KIF1B: variants seen among roughly 807,000 people sequenced by gnomAD.
KIF1B encodes the protein kinesin-like protein KIF1B.
KIF1B carries 76 observed loss-of-function variants against 241.9 expected under a neutral mutation model. The ratio of observed to expected loss-of-function variants is 0.31; its 90% CI spans 0.26 to 0.38. The LOEUF (loss-of-function observed/expected upper bound fraction) is 0.38, where lower values mean the gene tolerates loss of function less well. KIF1B is among the 10% of genes least tolerant of loss of function. KIF1B has a pLI of 1.00. For synonymous variants in KIF1B, 750 were observed against 796.7 expected, an observed-to-expected ratio of 0.94 and a Z score of 0.99; for missense variants, 1,622 against 2,271.4, an observed-to-expected ratio of 0.71 and a Z score of 5.81.
intron 40 of KIF1B, among the ~76,000 whole-genome samples, chr1:10,362,503 G>GAAAAAAAAAAAAAAAAAAAAGA (rs79052867): frequency 8.4e-6 from 1 of 119,304 alleles, no homozygotes; most frequent in African/African-American, 3.1e-5. Context: ...AAAGAAAAAG[G>GAAAAAAAAAAAAAAAAAAAAGA]AAAAAAAAAA....
At position 10,261,597 on chromosome 1, in the gene KIF1B, A is replaced by T. The variant is rs1253026364; in HGVS notation, c.364-308A>T. Reference sequence around the variant, plus strand: ...ACTTTTTTGTTAAAAACTTAGGCACACATTTATTAGCCTAGGCCTACACAG... The same window carrying T: ...ACTTTTTTGTTAAAAACTTAGGCACTCATTTATTAGCCTAGGCCTACACAG... On this transcript the variant is annotated intron_variant, in intron 4 of 48. Coordinates refer to ENST00000676179, the MANE Select transcript of KIF1B (RefSeq NM_001365951.3). 3.9e-5 allele frequency among the ~76,000 whole-genome samples: 6 copies of T among 152,302 alleles called. No individual in the cohort carries two copies. The East Asian group carries it at 5.8e-4, about 15-fold the overall frequency.
rs964671366 is a variant in KIF1B at position 10,368,548 on chromosome 1, T to C, written c.4824+10T>C. ...CGTCAGTGACTGTAAGGTGAGCACA[T>C]TGACTGTAATTTTTAGCCAGTATGT... On this transcript the variant is annotated intron_variant, in intron 44 of 48. Coordinates refer to ENST00000676179, the MANE Select transcript of KIF1B (RefSeq NM_001365951.3). 3.7e-6 allele frequency: 6 copies of C among 1,609,668 alleles called. No homozygotes were observed. In the African/African-American group the frequency reaches 5.3e-5, roughly 14 times the overall value.
chr1:10,353,552 C>G (rs891381794), intron 38 of KIF1B, among the ~76,000 whole-genome samples: 1 of 152,122 alleles, frequency 6.6e-6, no homozygotes, highest in Non-Finnish European at 1.5e-5. Context: ...GAGCACACTG[C>G]CTTCCCACCA....
Position 10,381,228 on chromosome 1 carries a change from T to C in KIF1B, c.*4641T>C, listed in dbSNP as rs997748530. The C allele has an allele frequency of 1.7e-4, 38 of 223,768 alleles. 1 individual carries two copies. Among genetic ancestry groups the C allele is most frequent in the Non-Finnish European group, 4.5e-5 (5 of 111,910 alleles). 13.9% of individuals were successfully genotyped at this position (223,768 alleles called of 1,614,324 possible). Reference sequence around the variant, plus strand: ...TTAGACTTTGTGGCTCTAAAGTACCTGTCTGTTGAGATTTCAAGTCTCTTG... The same window carrying C: ...TTAGACTTTGTGGCTCTAAAGTACCCGTCTGTTGAGATTTCAAGTCTCTTG... On this transcript the variant is annotated 3_prime_UTR_variant, in exon 49 of 49. Coordinates refer to ENST00000676179, the MANE Select transcript of KIF1B (RefSeq NM_001365951.3).
Position 10,368,508 on chromosome 1 carries a change from C to T in KIF1B, c.4794C>T (p.Ser1598=). 1 of 1,613,996 alleles carries T rather than the reference C, an allele frequency of 6.2e-7. No homozygotes were observed. The highest frequency in any genetic ancestry group is 8.5e-7 in the Non-Finnish European group (1 of 1,179,876). Reference sequence around the variant, plus strand: ...CCCACACTTTCAACAGAGAATTCAGCCAGGTGCACGGCAGCGTCAGTGACT... The same window carrying T: ...CCCACACTTTCAACAGAGAATTCAGTCAGGTGCACGGCAGCGTCAGTGACT... ...LLTHTFNREF[S]QVHGSVSDCK... Residue 1598 remains serine (S), a synonymous_variant, in exon 44 of 49, where the codon AGC becomes AGT. Transcript: ENST00000676179.
chr1:10,258,832 TTGAA>T (rs1382095313), intron 4 of KIF1B, among the ~76,000 whole-genome samples, 160 bp downstream of exon 4: 1 of 152,198 alleles, frequency 6.6e-6, no homozygotes, highest in Non-Finnish European at 1.5e-5. Flanking sequence ...GAGCTCACAA[TTGAA>T]TGGGAAGGAT....
Position 10,297,255 on chromosome 1 carries a change from C to T in KIF1B, c.2115+9C>T. 1 of 1,610,600 alleles carries T rather than the reference C, an allele frequency of 6.2e-7. No homozygotes were observed. The highest frequency in any genetic ancestry group is 1.1e-5 in the South Asian group (1 of 90,974). ...TGGAGCAGCAGAGACTGGTAGGAGT[C>T]CTGAATCTGCTAAACTGTTGGGAAA... On this transcript the variant is annotated intron_variant, in intron 22 of 48. Coordinates refer to ENST00000676179, the MANE Select transcript of KIF1B (RefSeq NM_001365951.3).
intron 5 of KIF1B, among the ~76,000 whole-genome samples, chr1:10,264,522 A>G (rs1041023433): frequency 6.6e-6 from 1 of 152,224 alleles, no homozygotes; most frequent in African/African-American, 2.4e-5. Flanking sequence ...TATTCCGGGG[A>G]TTCAGTATTG....
At chr1:10,372,327 A>G (rs1448217486) in intron 45 of KIF1B, among the ~76,000 whole-genome samples, 1 of 151,926 alleles carries the variant, frequency 6.6e-6, no homozygotes, top group African/African-American at 2.4e-5. Flanking sequence ...TTCAGCCCAC[A>G]AGTTTGAGAC....
intron 2 of KIF1B, among the ~76,000 whole-genome samples, chr1:10,237,347 T>A (rs1039030554): frequency 6.6e-6 from 1 of 152,196 alleles, no homozygotes; most frequent in Non-Finnish European, 1.5e-5. Context: ...GTTATTTGTG[T>A]AAACCTGGAG....
intron 22 of KIF1B, among the ~76,000 whole-genome samples, chr1:10,316,693 G>A (rs1426637013): frequency 6.6e-6 from 1 of 151,452 alleles, no homozygotes; most frequent in Non-Finnish European, 1.5e-5. Flanking sequence ...GTAGACATGG[G>A]GTTTGGCCAT....
intron 44 of KIF1B, among the ~76,000 whole-genome samples, chr1:10,370,280 G>C (rs974453379): frequency 1.3e-5 from 2 of 151,878 alleles, no homozygotes; most frequent in African/African-American, 4.8e-5. Context: ...ATGCAGGAGA[G>C]GCCAGTGACA....
intron 38 of KIF1B, among the ~76,000 whole-genome samples, chr1:10,353,848 T>C (rs1234892690): frequency 6.6e-6 from 1 of 152,154 alleles, no homozygotes; most frequent in Non-Finnish European, 1.5e-5. Context: ...GTGCTTTGAC[T>C]ATCCATGGGC....
At chr1:10,363,442 A>C (rs974390149) in intron 41 of KIF1B, 98 bp downstream of exon 41, 30 of 1,079,908 alleles carry the variant, frequency 2.8e-5, no homozygotes, top group Non-Finnish European at 4.0e-5. Flanking sequence ...CTGTAATCCC[A>C]GCGCTTTGGG....
intron 7 of KIF1B, among the ~76,000 whole-genome samples, chr1:10,270,505 C>T (rs369470778): frequency 6.6e-6 from 1 of 152,284 alleles, no homozygotes; most frequent in East Asian, 1.9e-4. Flanking sequence ...AAACTGTTGC[C>T]AGTTTTTGAT....
At chr1:10,328,788 C>A (rs530687592) in intron 27 of KIF1B, among the ~76,000 whole-genome samples, 2 of 152,320 alleles carry the variant, frequency 1.3e-5, no homozygotes, top group Admixed American at 1.3e-4. Flanking sequence ...GGGTCCTAGG[C>A]CATCTCTGTC....
At chr1:10,271,619 GC>G in intron 8 of KIF1B, 40 bp downstream of exon 8, 1 of 1,288,486 alleles carries the variant, frequency 7.8e-7, no homozygotes, top group Non-Finnish European at 1.1e-6. Flanking sequence ...TCAATAAATG[GC>G]CACTACCTGT....
intron 15 of KIF1B, 124 bp downstream of exon 15, chr1:10,282,657 T>G (rs761575831): frequency 1.2e-6 from 1 of 827,648 alleles, no homozygotes; most frequent in Non-Finnish European, 2.0e-6. Context: ...AGAAGTGTCC[T>G]GAAAATTGAA....
At chr1:10,226,200 G>A (rs1165074101) in intron 1 of KIF1B, among the ~76,000 whole-genome samples, 3 of 152,136 alleles carry the variant, frequency 2.0e-5, no homozygotes, top group South Asian at 2.1e-4. Flanking sequence ...TAGCCTGTGT[G>A]AGAACAGCAG....
Sources: allele counts gnomAD v4.1 joint callset (sites outside exome capture counted in the v4.1 genomes callset), GRCh38; gene constraint gnomAD v4.1.1; transcripts MANE v1.5; gene names NCBI Gene and HGNC (gene_info 2026-07-23, HGNC 2026-07-21).